The following RIF1 variants were observed in gnomAD, a reference collection of about 807,000 sequenced individuals.
RIF1 encodes the protein replication timing regulatory factor 1.
In RIF1, 45 loss-of-function variants were observed where a neutral mutation model predicts 247.1. That is an observed-to-expected ratio of 0.18 (90% CI 0.14 to 0.23). RIF1 has a LOEUF of 0.23. RIF1 is among the 10% of genes least tolerant of loss of function. The pLI is 1.00. For synonymous variants in RIF1, 1,087 were observed against 978.8 expected, an observed-to-expected ratio of 1.11 and a Z score of -2.06; for missense variants, 2,967 against 2,862.5, an observed-to-expected ratio of 1.04 and a Z score of -0.83.
At chr2:151,443,429 A>G (rs1478772423) in intron 17 of RIF1, 100 bp downstream of exon 17, 14 of 1,362,298 alleles carry the variant, frequency 1.0e-5, no homozygotes, top group Middle Eastern at 1.9e-4. Flanking sequence ...TTTTAAAAAA[A>G]ATTCGTTAAC....
intron 9 of RIF1, among the ~76,000 whole-genome samples, chr2:151,431,105 G>A (rs1217683650): frequency 6.6e-6 from 1 of 152,178 alleles, no homozygotes; most frequent in African/African-American, 2.4e-5. Context: ...GTAGTTTAAA[G>A]ATAGTAAGTT....
rs1023932009 is a variant in RIF1 at position 151,436,140 on chromosome 2, GCT to G, written c.1195+561_1195+562del. On this transcript the variant is annotated intron_variant, in intron 11 of 35. Transcript: ENST00000444746. ...CCTGGGAGGCTGTGGCAGGAGAATT[GCT>G]TGAATCCTGGGAGGCGGAGGTTGCA... 5.3e-4 allele frequency among the ~76,000 whole-genome samples: 80 copies of G among 152,052 alleles called. 1 individual carries two copies. Among genetic ancestry groups the G allele is most frequent in the Non-Finnish European group, 1.5e-4 (10 of 68,014 alleles).
intron 11 of RIF1, among the ~76,000 whole-genome samples, chr2:151,500,469 A>AAAAG (rs917104422): frequency 1.3e-5 from 2 of 152,126 alleles, no homozygotes; most frequent in Non-Finnish European, 2.9e-5. Flanking sequence ...CAATATTAAT[A>AAAAG]AAAGATAACA....
chr2:151,437,324 T>C lies in RIF1; in HGVS notation c.1456T>C (p.Phe486Leu). 6.2e-7 allele frequency: 1 copy of C among 1,613,448 alleles called. No individual in the cohort carries two copies. The highest frequency in any genetic ancestry group is 8.5e-7 in the Non-Finnish European group (1 of 1,179,454). The change falls in exon 13 of 36, where the codon TTT (phenylalanine) becomes CTT (leucine). Residue 486 changes from phenylalanine to leucine, a missense_variant. Phe to Leu is a conservative substitution (Grantham distance 22, BLOSUM62 0). Around this residue, in one of 7 missense-constraint regions of RIF1, gnomAD observed 369 missense variants for 322.0 expected, o/e 1.15. Coordinates refer to ENST00000444746, the MANE Select transcript of RIF1 (RefSeq NM_018151.5). Reference protein sequence around the residue: ...NTLITAVHDSFVAVGKDAPDV... With the variant: ...NTLITAVHDSLVAVGKDAPDV... ...ACTTATCACTGCTGTTCATGATAGC[T>C]TTGTTGCAGTTGGAAAAGATGCCCC...
the RIF1 span, chr2:151,524,598 C>T: frequency 6.4e-7 from 1 of 1,551,436 alleles, no homozygotes; most frequent in African/African-American, 1.4e-5. Context: ...TTCTCTTTGG[C>T]ATCTTTTCTG....
At position 151,468,685 on chromosome 2, in the gene RIF1, T is replaced by C; in HGVS notation, c.6870T>C (p.Ser2290=). Residue 2290 remains serine, a synonymous_variant, in exon 33 of 36, where the codon AGT becomes AGC. Coordinates refer to ENST00000444746, the MANE Select transcript of RIF1 (RefSeq NM_018151.5). ...AATCCATACCATGCCCAACAGAAAG[T>C]GTTTACCCACCATTGGTGAACTGTG... ...AKESIPCPTE[S]VYPPLVNCVA... is the part of the protein sequence containing the mutation. 1.9e-6 allele frequency: 3 copies of C among 1,614,074 alleles called. No homozygotes were observed. Among genetic ancestry groups the C allele is most frequent in the South Asian group, 1.1e-5 (1 of 91,088 alleles).
At chr2:151,445,063 T>C (rs1375559761) in intron 18 of RIF1, among the ~76,000 whole-genome samples, 1 of 152,222 alleles carries the variant, frequency 6.6e-6, no homozygotes, top group Non-Finnish European at 1.5e-5. Context: ...CATGGTATTG[T>C]TGTCTGTGCC....
chr2:151,513,348 G>A, the RIF1 span, among the ~76,000 whole-genome samples: 1 of 152,164 alleles, frequency 6.6e-6, no homozygotes, highest in East Asian at 1.9e-4. Context: ...CTCAGTTTCT[G>A]CCCTTTGCTC....
chr2:151,464,458 A>G lies in RIF1; in HGVS notation c.4938A>G (p.Leu1646=). 1 of 1,613,776 alleles carries G rather than the reference A, an allele frequency of 6.2e-7. No homozygotes were observed. The highest frequency in any genetic ancestry group is 8.5e-7 in the Non-Finnish European group (1 of 1,179,898). Residue 1646 remains leucine (L), a synonymous_variant, in exon 30 of 36, where the codon TTA becomes TTG. Coordinates refer to ENST00000444746, the MANE Select transcript of RIF1 (RefSeq NM_018151.5). ...ATTTGTTGCAAGTTCCTGATGATTT[A>G]CCAAATGTGTGTGAGGAAAAAAATG... ...TSDLLQVPDD[L]PNVCEEKNET...
At chr2:151,514,456 T>C in the RIF1 span, 1 of 1,513,374 alleles carries the variant, frequency 6.6e-7, no homozygotes, top group Non-Finnish European at 9.2e-7. Context: ...AGCAACAACA[T>C]TGACAAGAAA....
At chr2:151,454,334 A>G (rs1694845005) in intron 21 of RIF1, among the ~76,000 whole-genome samples, 2 of 152,174 alleles carry the variant, frequency 1.3e-5, no homozygotes, top group African/African-American at 4.8e-5. Context: ...AAAAAATCAG[A>G]CAGTACTTTT....
At chr2:151,519,462 A>G in the RIF1 span, among the ~76,000 whole-genome samples, 1 of 152,212 alleles carries the variant, frequency 6.6e-6, no homozygotes, top group East Asian at 1.9e-4. Context: ...AGAGGTTCCC[A>G]GGAGCTGACG....
chr2:151,534,047 AC>A, the RIF1 span, among the ~76,000 whole-genome samples: 3 of 152,192 alleles, frequency 2.0e-5, no homozygotes, highest in Non-Finnish European at 4.4e-5. Flanking sequence ...GGACTGGCAC[AC>A]TCAAATAGCT....
chr2:151,410,721 G>C (rs1686013916), intron 2 of RIF1, among the ~76,000 whole-genome samples, 194 bp downstream of exon 2: 1 of 152,144 alleles, frequency 6.6e-6, no homozygotes, highest in African/African-American at 2.4e-5. Context: ...CTGCTGCTGC[G>C]CTTGAGGTGT....
downstream of RIF1, chr2:151,485,893 G>C (rs774603877): frequency 8.1e-6 from 13 of 1,613,806 alleles, no homozygotes; most frequent in Non-Finnish European, 1.1e-5. Flanking sequence ...CACCTCATCT[G>C]CATCAGCAGC....
At chr2:151,420,166 T>A (rs752825476) in intron 6 of RIF1, 24 bp from the exon 7 acceptor site, 1 of 1,594,696 alleles carries the variant, frequency 6.3e-7, no homozygotes, top group East Asian at 2.3e-5. Flanking sequence ...TCACGCTAAT[T>A]ATTCATTGAT....
intron 15 of RIF1, among the ~76,000 whole-genome samples, chr2:151,440,348 G>T (rs527520865): frequency 5.6e-4 from 85 of 152,152 alleles, no homozygotes; most frequent in African/African-American, 2.0e-3. Flanking sequence ...CTTCAACGTG[G>T]TAAGAAAAAA....
chr2:151,498,056 T>G (rs891367653), intron 10 of RIF1: 2 of 1,452,272 alleles, frequency 1.4e-6, no homozygotes, highest in Admixed American at 5.2e-5. Flanking sequence ...TCATTATTTT[T>G]AAAACATGTT....
chr2:151,479,444 A>T lies in RIF1; in HGVS notation c.*4373A>T, dbSNP rs1201824257. On this transcript the variant is annotated 3_prime_UTR_variant, in exon 36 of 36. Coordinates refer to ENST00000444746, the MANE Select transcript of RIF1 (RefSeq NM_018151.5). ...ATATAAAAGTTGATTTCTAAGTATT[A>T]GAATATATTTAGTCTCTAAATAAAT... 1.3e-5 allele frequency: 2 copies of T among 152,228 alleles called. No individual in the cohort carries two copies. Among genetic ancestry groups the T allele is most frequent in the African/African-American group, 4.8e-5 (2 of 41,468 alleles). The allele number at this position is 152,228 out of a possible 1,614,324, so 9.4% of individuals were successfully genotyped here.
Sources: gnomAD v4.1 joint callset for allele counts (sites outside exome capture counted in the v4.1 genomes callset) on GRCh38, gnomAD v4.1.1 for gene constraint, gnomAD v4.1.1 regional missense constraint, MANE v1.5 for transcripts, NCBI Gene and HGNC (gene_info 2026-07-23, HGNC 2026-07-21) for gene names.